PPP6R3: variants seen among roughly 807,000 people sequenced by gnomAD.
PPP6R3 encodes serine/threonine-protein phosphatase 6 regulatory subunit 3.
A neutral mutation model predicts 110.7 loss-of-function variants in PPP6R3; 38 were observed. The ratio of observed to expected loss-of-function variants is 0.34; its 90% CI spans 0.26 to 0.45. The LOEUF (loss-of-function observed/expected upper bound fraction) is 0.45, where lower values mean the gene tolerates loss of function less well. PPP6R3 is among the 20% of genes least tolerant of loss of function. PPP6R3 has a pLI of 1.00. For synonymous variants in PPP6R3, 369 were observed against 373.5 expected, an observed-to-expected ratio of 0.99 and a Z score of 0.14; for missense variants, 870 against 1,062.4, an observed-to-expected ratio of 0.82 and a Z score of 2.52.
intron 2 of PPP6R3, among the ~76,000 whole-genome samples, chr11:68,529,456 A>G (rs976183928): frequency 6.6e-6 from 1 of 152,120 alleles, no homozygotes; most frequent in Non-Finnish European, 1.5e-5. Context: ...TGACCTCATG[A>G]TCCACCCACC....
chr11:68,523,915 A>G (rs1404126804), intron 2 of PPP6R3, among the ~76,000 whole-genome samples: 1 of 152,010 alleles, frequency 6.6e-6, no homozygotes, highest in Non-Finnish European at 1.5e-5. Flanking sequence ...TTTCCAGAGC[A>G]GTGGAGAATG....
chr11:68,569,927 A>C (rs757998648), intron 11 of PPP6R3, 30 bp downstream of exon 11: 6 of 1,578,606 alleles, frequency 3.8e-6, no homozygotes, highest in Non-Finnish European at 4.3e-6. Flanking sequence ...TTTTTCTCCC[A>C]CTCTCTCCTG....
At chr11:68,578,727 A>T (rs1275687994) in intron 14 of PPP6R3, among the ~76,000 whole-genome samples, 1 of 152,210 alleles carries the variant, frequency 6.6e-6, no homozygotes, top group Admixed American at 6.5e-5. Flanking sequence ...TCACTTCTGT[A>T]ACATTTTAGT....
chr11:68,523,706 TGCC>T (rs765392048), intron 2 of PPP6R3, among the ~76,000 whole-genome samples: 1 of 14,834 alleles, frequency 6.7e-5, no homozygotes, highest in Non-Finnish European at 1.4e-4. Context: ...CATGCCCCCC[TGCC>T]CCCCCCCCCC....
intron 2 of PPP6R3, among the ~76,000 whole-genome samples, chr11:68,526,085 C>T (rs1367393491): frequency 6.6e-6 from 1 of 152,118 alleles, no homozygotes; most frequent in Non-Finnish European, 1.5e-5. Flanking sequence ...CAGTCATAAC[C>T]ATGTTTCCTA....
At chr11:68,539,419 A>G (rs770060907) in intron 3 of PPP6R3, among the ~76,000 whole-genome samples, 2 of 152,226 alleles carry the variant, frequency 1.3e-5, no homozygotes, top group Non-Finnish European at 2.9e-5. Context: ...TGGCACTTGT[A>G]TTATATTGCT....
chr11:68,485,358 A>G (rs948088568), intron 1 of PPP6R3, among the ~76,000 whole-genome samples: 1 of 148,178 alleles, frequency 6.7e-6, no homozygotes, highest in African/African-American at 2.5e-5. Context: ...TATGCTTTCC[A>G]ATCTGTATAC....
chr11:68,608,564 G>A (rs541145929), intron 22 of PPP6R3, among the ~76,000 whole-genome samples: 2 of 152,266 alleles, frequency 1.3e-5, no homozygotes, highest in South Asian at 4.2e-4. Context: ...ACTGAGAAAC[G>A]CCCAGACAGG....
chr11:68,583,174 CTTAGT>C (rs1277981301), intron 15 of PPP6R3, 45 bp downstream of exon 15: 7 of 1,392,212 alleles, frequency 5.0e-6, no homozygotes, highest in East Asian at 2.5e-5. Flanking sequence ...ATTTTAAATG[CTTAGT>C]TTAGTTGCCT....
intron 10 of PPP6R3, among the ~76,000 whole-genome samples, chr11:68,567,707 C>T (rs2099483362): frequency 6.6e-6 from 1 of 152,164 alleles, no homozygotes; most frequent in Non-Finnish European, 1.5e-5. Flanking sequence ...AATCCATAGG[C>T]CCAGCTCTGG....
chr11:68,553,390 T>A (rs2099388362), intron 6 of PPP6R3, among the ~76,000 whole-genome samples: 1 of 151,124 alleles, frequency 6.6e-6, no homozygotes, highest in South Asian at 2.1e-4. Flanking sequence ...GCCTCCCAGG[T>A]TCAAGCGATT....
At chr11:68,567,429 G>C (rs115196129) in intron 10 of PPP6R3, among the ~76,000 whole-genome samples, 6 of 152,108 alleles carry the variant, frequency 3.9e-5, no homozygotes, top group Admixed American at 1.3e-4. Flanking sequence ...CTTTTCCCTC[G>C]TGCTCCGTCT....
chr11:68,575,000 G>C (rs1159616909), intron 13 of PPP6R3, among the ~76,000 whole-genome samples: 1 of 152,212 alleles, frequency 6.6e-6, no homozygotes, highest in African/African-American at 2.4e-5. Flanking sequence ...TGTTGAATGT[G>C]CACTAAAACC....
At chr11:68,507,801 T>C (rs1235855677) in intron 1 of PPP6R3, among the ~76,000 whole-genome samples, 1 of 152,188 alleles carries the variant, frequency 6.6e-6, no homozygotes, top group Non-Finnish European at 1.5e-5. Context: ...AGTGCATCTT[T>C]AGTTGTGTAT....
chr11:68,563,028 C>G (rs1009717191), intron 8 of PPP6R3, among the ~76,000 whole-genome samples: 1 of 151,156 alleles, frequency 6.6e-6, no homozygotes, highest in African/African-American at 2.4e-5. Context: ...AATACCTAGG[C>G]TGGATATGGT....
Position 68,520,154 on chromosome 11 carries a change from C to T in PPP6R3, c.-7+503C>T, listed in dbSNP as rs747956278. 2.0e-5 allele frequency among the ~76,000 whole-genome samples: 3 copies of T among 152,296 alleles called. No individual in the cohort carries two copies. The South Asian group carries it at 6.2e-4, about 32-fold the overall frequency. On this transcript the variant is annotated intron_variant, in intron 2 of 23. Coordinates refer to ENST00000393800, the MANE Select transcript of PPP6R3 (RefSeq NM_001164161.2). ...TGACTTTTGGCTCAGTTGGCATTTA[C>T]TAGGAAGTGGTAGAAGTGGCGCAGT...
chr11:68,476,720 C>T (rs2098835521), intron 1 of PPP6R3, among the ~76,000 whole-genome samples: 1 of 151,950 alleles, frequency 6.6e-6, no homozygotes, highest in African/African-American at 2.4e-5. Flanking sequence ...TTATTGATGA[C>T]AAACTTAAAT....
At chr11:68,538,360 A>G (rs2099281787) in intron 3 of PPP6R3, among the ~76,000 whole-genome samples, 1 of 152,194 alleles carries the variant, frequency 6.6e-6, no homozygotes, top group African/African-American at 2.4e-5. Flanking sequence ...TGCTAGTTTA[A>G]TCTGCTTACA....
At chr11:68,551,782 C>T (rs767497489) in intron 6 of PPP6R3, among the ~76,000 whole-genome samples, 2 of 152,116 alleles carry the variant, frequency 1.3e-5, no homozygotes, top group African/African-American at 2.4e-5. Flanking sequence ...CCACTGTGCC[C>T]GGCCTCCTTT....
Sources: gnomAD v4.1 joint callset for allele counts (sites outside exome capture counted in the v4.1 genomes callset) on GRCh38, gnomAD v4.1.1 for gene constraint, MANE v1.5 for transcripts, NCBI Gene and HGNC (gene_info 2026-07-23, HGNC 2026-07-21) for gene names.